Variants in MACROD2 observed in about 807,000 individuals in gnomAD.
The protein encoded by MACROD2 is mono-ADP ribosylhydrolase 2.
A neutral mutation model predicts 70.4 loss-of-function variants in MACROD2; 36 were observed. That is an observed-to-expected ratio of 0.51 (90% CI 0.39 to 0.68). The LOEUF (loss-of-function observed/expected upper bound fraction) is 0.68. MACROD2 is among the 30% of genes least tolerant of loss of function. The pLI, the probability that MACROD2 is intolerant of heterozygous loss-of-function variation, is 0.00. For synonymous variants in MACROD2, 172 were observed against 178.8 expected (o/e 0.96, Z 0.30); for missense variants, 496 against 538.4 (o/e 0.92, Z 0.78).
At chr20:15,297,312 A>T (rs2077599541) in intron 6 of MACROD2, among the ~76,000 whole-genome samples, 1 of 152,180 alleles carries the variant, frequency 6.6e-6, no homozygotes, top group Admixed American at 6.5e-5. Flanking sequence ...AGAATACCTG[A>T]GTCAATTTCA....
intron 5 of MACROD2, among the ~76,000 whole-genome samples, chr20:15,031,823 C>A (rs955699644): frequency 6.6e-6 from 1 of 152,122 alleles, no homozygotes; most frequent in African/African-American, 2.4e-5. Context: ...AGCCTGGCTC[C>A]CAGGCTTCAG....
At chr20:14,553,821 A>T (rs1978836133) in intron 4 of MACROD2, among the ~76,000 whole-genome samples, 1 of 152,284 alleles carries the variant, frequency 6.6e-6, no homozygotes, top group East Asian at 1.9e-4. Context: ...ACCTGGTCCA[A>T]TTTGAAGTAA....
intron 5 of MACROD2, among the ~76,000 whole-genome samples, chr20:14,841,040 A>G (rs2073081747): frequency 6.6e-6 from 1 of 152,168 alleles, no homozygotes; most frequent in Admixed American, 6.5e-5. Flanking sequence ...TAACTCTAAG[A>G]GTGTAAAAAA....
chr20:15,319,212 A>G (rs1035492679), intron 6 of MACROD2, among the ~76,000 whole-genome samples: 12 of 152,208 alleles, frequency 7.9e-5, no homozygotes, highest in African/African-American at 2.2e-4. Context: ...TTTCTTTAGA[A>G]TAAGAGCAAA....
intron 6 of MACROD2, 136 bp from the exon 7 acceptor site, chr20:15,431,269 C>T: frequency 1.4e-6 from 1 of 694,298 alleles, no homozygotes; most frequent in Non-Finnish European, 2.5e-6. Flanking sequence ...TTTCCAGTGT[C>T]CCCTACTCCA....
chr20:14,683,527 A>G (rs73102591), intron 4 of MACROD2, among the ~76,000 whole-genome samples: 1 of 152,290 alleles, frequency 6.6e-6, no homozygotes, highest in Non-Finnish European at 1.5e-5. Flanking sequence ...GATCATTGTC[A>G]AACTTTGGTG....
intron 9 of MACROD2, among the ~76,000 whole-genome samples, chr20:15,880,376 CTTGTCT>C (rs1261345079): frequency 6.6e-6 from 1 of 151,914 alleles, no homozygotes; most frequent in African/African-American, 2.4e-5. Flanking sequence ...TGTGATTACC[CTTGTCT>C]TTGTTTGAGT....
At chr20:14,215,281 C>CATATATGTTCCATCATAT (rs959429255) in intron 3 of MACROD2, among the ~76,000 whole-genome samples, 2 of 147,998 alleles carry the variant, frequency 1.4e-5, no homozygotes, top group Admixed American at 6.8e-5. Context: ...TATGTTCTAT[C>CATATATGTTCCATCATAT]ATATATGTTC....
chr20:15,486,553 A>C (rs923450773), intron 7 of MACROD2, among the ~76,000 whole-genome samples: 1 of 152,212 alleles, frequency 6.6e-6, no homozygotes, highest in African/African-American at 2.4e-5. Flanking sequence ...TTGCTCACTC[A>C]GATTGTACTT....
Position 16,050,038 on chromosome 20 carries a change from G to A in MACROD2, c.*162G>A. 3.5e-6 allele frequency: 2 copies of A among 568,454 alleles called. No homozygotes were observed. The highest frequency in any genetic ancestry group is 8.4e-5 in the South Asian group (2 of 23,750). The allele number at this position is 568,454 out of a possible 1,614,324, so 35.2% of individuals were successfully genotyped here. On this transcript the variant is annotated 3_prime_UTR_variant, in exon 18 of 18. Transcript: ENST00000684519. The stretch of plus-strand genomic sequence containing the variant: ...CAGCTGCATTTTGTTCCGTTTATCT[G>A]CAGAAAAAGAAAGAAAAAAAAGAAA...
intron 8 of MACROD2, among the ~76,000 whole-genome samples, chr20:15,567,716 C>A (rs1428390844): frequency 6.6e-6 from 1 of 152,144 alleles, no homozygotes. Context: ...CACTCAAATA[C>A]CTACAAGGTC....
chr20:15,303,647 A>G (rs552268741), intron 6 of MACROD2, among the ~76,000 whole-genome samples: 1 of 152,340 alleles, frequency 6.6e-6, no homozygotes, highest in Non-Finnish European at 1.5e-5. Flanking sequence ...TTCTAAAACA[A>G]TAACAGAATC....
chr20:15,883,561 C>T (rs143562341), intron 9 of MACROD2, among the ~76,000 whole-genome samples: 3,213 of 148,138 alleles, frequency 0.022, 69 homozygotes, highest in Middle Eastern at 0.054. Flanking sequence ...AAATGAAAGG[C>T]ATTTTCTCTT....
rs199782073 is a variant in MACROD2, at chr20:14,158,105, T to C, written c.271+72377T>C. 2.0e-5 allele frequency among the ~76,000 whole-genome samples: 3 copies of C among 152,208 alleles called. No individual in the cohort carries two copies. The East Asian group carries it at 5.8e-4, about 29-fold the overall frequency. On this transcript the variant is annotated intron_variant, in intron 3 of 17. Coordinates refer to ENST00000684519, the MANE Select transcript of MACROD2 (RefSeq NM_001351661.2). ...ATCTGTTCTTTCTTTGTCTTTTTAGTAATAGCCATTCTAATTGGGGTAAGA... is the reference window on the plus strand; with the variant it reads ...ATCTGTTCTTTCTTTGTCTTTTTAGCAATAGCCATTCTAATTGGGGTAAGA...
At chr20:15,223,254 A>C (rs1013739123) in intron 5 of MACROD2, among the ~76,000 whole-genome samples, 6 of 152,200 alleles carry the variant, frequency 3.9e-5, no homozygotes, top group Admixed American at 3.3e-4. Flanking sequence ...AAATGTACAA[A>C]TCGCATTGCT....
intron 13 of MACROD2, among the ~76,000 whole-genome samples, chr20:15,983,137 A>G (rs1274811793): frequency 6.6e-6 from 1 of 152,202 alleles, no homozygotes; most frequent in Admixed American, 6.5e-5. Flanking sequence ...TCTAATCTAC[A>G]TTTTTATTGA....
At chr20:15,247,975 G>A (rs2077121424) in intron 6 of MACROD2, among the ~76,000 whole-genome samples, 1 of 152,272 alleles carries the variant, frequency 6.6e-6, no homozygotes, top group Admixed American at 6.5e-5. Context: ...TGGGATTACA[G>A]GCATGAGCCA....
At chr20:14,448,442 C>T (rs896437611) in intron 3 of MACROD2, among the ~76,000 whole-genome samples, 4 of 151,616 alleles carry the variant, frequency 2.6e-5, no homozygotes, top group East Asian at 1.9e-4. Flanking sequence ...TTTGGGAGGC[C>T]GAGGTGGGCA....
intron 8 of MACROD2, among the ~76,000 whole-genome samples, chr20:15,626,884 C>T (rs143886532): frequency 1.9e-4 from 28 of 151,308 alleles, no homozygotes; most frequent in African/African-American, 6.3e-4. Context: ...TTGCAAATGA[C>T]TGTAATATGT....
Sources: gnomAD v4.1 joint callset for allele counts (sites outside exome capture counted in the v4.1 genomes callset) on GRCh38, gnomAD v4.1.1 for gene constraint, MANE v1.5 for transcripts, NCBI Gene and HGNC (gene_info 2026-07-23, HGNC 2026-07-21) for gene names.